SCML4: variants seen among roughly 807,000 people sequenced by gnomAD.
SCML4 encodes Scm polycomb group protein like 4, also known as sex comb on midleg-like protein 4.
In SCML4, 34 loss-of-function variants were observed where a neutral mutation model predicts 41.1. That is an observed-to-expected ratio of 0.83 (90% CI 0.63 to 1.10). The LOEUF (loss-of-function observed/expected upper bound fraction) is 1.10. Among genes scored for constraint, SCML4 ranks in the 50% least tolerant of loss-of-function variants. The pLI, the probability that SCML4 is intolerant of heterozygous loss-of-function variation, is 0.00. For synonymous variants in SCML4, 214 were observed against 220.9 expected, an observed-to-expected ratio of 0.97 and a Z score of 0.28; for missense variants, 522 against 534.1, an observed-to-expected ratio of 0.98 and a Z score of 0.22.
chr6:107,797,198 G>C (rs1357045214), intron 1 of SCML4, among the ~76,000 whole-genome samples: 1 of 152,014 alleles, frequency 6.6e-6, no homozygotes, highest in Non-Finnish European at 1.5e-5. Context: ...ATTTTCATTA[G>C]GAATGCATTG....
intron 5 of SCML4, among the ~76,000 whole-genome samples, chr6:107,743,173 G>T (rs139963350): frequency 6.6e-6 from 1 of 152,100 alleles, no homozygotes; most frequent in Non-Finnish European, 1.5e-5. Flanking sequence ...AAGCCTCATG[G>T]CAACCACATG....
intron 1 of SCML4, among the ~76,000 whole-genome samples, chr6:107,795,576 T>G (rs1782645668): frequency 6.6e-6 from 1 of 152,128 alleles, no homozygotes; most frequent in Non-Finnish European, 1.5e-5. Context: ...CTCCCAGGCT[T>G]GAGTGCAATG....
chr6:107,709,882 T>C (rs1288907533), intron 6 of SCML4, among the ~76,000 whole-genome samples: 1 of 152,130 alleles, frequency 6.6e-6, no homozygotes, highest in Non-Finnish European at 1.5e-5. Flanking sequence ...AGCTAATTCC[T>C]GTATTTTAGT....
At chr6:107,777,359 G>C (rs1167180689) in intron 1 of SCML4, among the ~76,000 whole-genome samples, 1 of 152,118 alleles carries the variant, frequency 6.6e-6, no homozygotes. Context: ...CTCATGATCT[G>C]CCCACCTCGG....
At chr6:107,818,290 C>T (rs767804009) in intron 1 of SCML4, among the ~76,000 whole-genome samples, 1 of 152,158 alleles carries the variant, frequency 6.6e-6, no homozygotes, top group Admixed American at 6.5e-5. Context: ...AAGGCAAACT[C>T]CCCCAGCACA....
intron 5 of SCML4, among the ~76,000 whole-genome samples, chr6:107,741,370 G>T (rs1777583714): frequency 6.6e-6 from 1 of 152,164 alleles, no homozygotes; most frequent in African/African-American, 2.4e-5. Flanking sequence ...ACTAGAAAAA[G>T]TGAGATCAAG....
At chr6:107,812,429 C>T (rs1292601753) in intron 1 of SCML4, among the ~76,000 whole-genome samples, 1 of 152,196 alleles carries the variant, frequency 6.6e-6, no homozygotes, top group Non-Finnish European at 1.5e-5. Context: ...TCCGATACCT[C>T]CTCTGATGTT....
intron 2 of SCML4, among the ~76,000 whole-genome samples, chr6:107,765,924 C>T (rs1441697552): frequency 2.0e-5 from 3 of 152,208 alleles, no homozygotes; most frequent in African/African-American, 4.8e-5. Context: ...AACTTAAAAG[C>T]ATGTCATGTC....
the SCML4 span, among the ~76,000 whole-genome samples, chr6:107,839,373 G>T: frequency 3.7e-5 from 5 of 136,494 alleles, no homozygotes; most frequent in African/African-American, 1.4e-4. Context: ...AAGAAGGAAA[G>T]AAAGAAAGAA....
intron 1 of SCML4, among the ~76,000 whole-genome samples, chr6:107,803,226 C>CCCCGTCTGGGATGTGAGGAGCAT (rs1554222625): frequency 2.5e-4 from 14 of 56,592 alleles, no homozygotes; most frequent in African/African-American, 1.3e-3. Flanking sequence ...GTGGGGAGCG[C>CCCCGTCTGGGATGTGAGGAGCAT]CTCTGCCCGG....
upstream of SCML4, among the ~76,000 whole-genome samples, chr6:107,824,503 TGTGTGTGTGTGTGTTTTG>T (rs1785171690): frequency 7.1e-6 from 1 of 141,528 alleles, no homozygotes; most frequent in South Asian, 2.1e-4. Flanking sequence ...TGTGTGTGTG[TGTGTGTGTGTGTGTTTTG>T]TGTTTCCTTC....
intron 2 of SCML4, among the ~76,000 whole-genome samples, chr6:107,764,999 T>C (rs952607391): frequency 1.3e-5 from 2 of 152,214 alleles, no homozygotes; most frequent in Non-Finnish European, 2.9e-5. Context: ...TTTTTCTTTA[T>C]AAATTACCCA....
intron 1 of SCML4, among the ~76,000 whole-genome samples, chr6:107,799,229 T>G (rs1015644816): frequency 1.2e-4 from 18 of 152,190 alleles, no homozygotes; most frequent in Admixed American, 1.3e-4. Flanking sequence ...GCTACATGTA[T>G]TTTGAAGCTC....
intron 2 of SCML4, among the ~76,000 whole-genome samples, chr6:107,764,423 G>C (rs2114549452): frequency 6.6e-6 from 1 of 152,304 alleles, no homozygotes; most frequent in African/African-American, 2.4e-5. Flanking sequence ...TTGGAGGTGG[G>C]AGTGGAATGG....
intron 1 of SCML4, among the ~76,000 whole-genome samples, chr6:107,813,317 C>T (rs140803409): frequency 0.011 from 1,529 of 138,420 alleles, 36 homozygotes; most frequent in African/African-American, 0.04. Flanking sequence ...GAGCTGAGAT[C>T]GTGCTACTAC....
At chr6:107,783,890 C>T (rs1025742901) in intron 1 of SCML4, among the ~76,000 whole-genome samples, 11 of 152,154 alleles carry the variant, frequency 7.2e-5, no homozygotes, top group Non-Finnish European at 1.2e-4. Context: ...GTCCATGGCT[C>T]CAGCTCCCTC....
intron 5 of SCML4, among the ~76,000 whole-genome samples, chr6:107,730,365 A>G (rs1206787257): frequency 6.6e-6 from 1 of 152,132 alleles, no homozygotes; most frequent in East Asian, 1.9e-4. Context: ...TCCATACAAA[A>G]TCGTTTTCCA....
chr6:107,805,150 C>T lies in SCML4; in HGVS notation c.-60+18976G>A, dbSNP rs367892677. ...GTAGGCTTGAGGCAGGAAGTGAGTA[C>T]TGGAGAGTTAGGGGTGTGGAGCAGG... On this transcript the variant is annotated intron_variant, in intron 1 of 7. Transcript: ENST00000369020. 2.0e-4 allele frequency among the ~76,000 whole-genome samples: 31 copies of T among 152,224 alleles called. No individual in the cohort carries two copies. In the East Asian group the frequency reaches 5.8e-3, roughly 28 times the overall value.
chr6:107,791,606 A>C (rs1782334998), intron 1 of SCML4, among the ~76,000 whole-genome samples: 1 of 152,218 alleles, frequency 6.6e-6, no homozygotes, highest in South Asian at 2.1e-4. Context: ...AGAATGTGGT[A>C]ATTACTGATA....
Sources: allele counts gnomAD v4.1 joint callset (sites outside exome capture counted in the v4.1 genomes callset), GRCh38; gene constraint gnomAD v4.1.1; transcripts MANE v1.5; gene names NCBI Gene and HGNC (gene_info 2026-07-23, HGNC 2026-07-21).